The following LINGO2 variants were observed in gnomAD, a reference collection of about 807,000 sequenced individuals.
LINGO2 encodes leucine-rich repeat and immunoglobulin-like domain-containing nogo receptor-interacting protein 2.
LINGO2 carries 14 observed loss-of-function variants against 30.6 expected under a neutral mutation model. That is an observed-to-expected ratio of 0.46 (90% CI 0.30 to 0.72). The LOEUF is 0.72. LINGO2 is among the 30% of genes least tolerant of loss of function. LINGO2 has a pLI of 0.07. For synonymous variants in LINGO2, 317 were observed against 288.5 expected (o/e 1.10, Z -1.00); for missense variants, 729 against 751.7 (o/e 0.97, Z 0.35).
At chr9:28,078,846 CA>C (rs35130159) in intron 4 of LINGO2, among the ~76,000 whole-genome samples, 29,136 of 132,880 alleles carry the variant, frequency 0.22, 3,714 homozygotes, top group Non-Finnish European at 0.26. Context: ...AAAACTCTGT[CA>C]AAAAAAAAAA....
At chr9:28,907,603 T>C in the LINGO2 span, among the ~76,000 whole-genome samples, 1 of 151,814 alleles carries the variant, frequency 6.6e-6, no homozygotes, top group East Asian at 1.9e-4. Flanking sequence ...CTGAAAGAAA[T>C]ATACAAGATG....
the LINGO2 span, among the ~76,000 whole-genome samples, chr9:28,931,569 T>C: frequency 2.0e-5 from 3 of 152,200 alleles, no homozygotes; most frequent in African/African-American, 7.2e-5. Context: ...AACTACAACA[T>C]GTTTTGTCAA....
At chr9:29,134,693 A>C in the LINGO2 span, among the ~76,000 whole-genome samples, 1 of 152,128 alleles carries the variant, frequency 6.6e-6, no homozygotes, top group East Asian at 1.9e-4. Flanking sequence ...TATTCATAGT[A>C]ATTTAGCCAT....
the LINGO2 span, among the ~76,000 whole-genome samples, chr9:29,025,948 A>G: frequency 8.5e-5 from 13 of 152,156 alleles, no homozygotes; most frequent in Non-Finnish European, 1.8e-4. Flanking sequence ...AGGTTAATCC[A>G]TGTTGTTGCA....
the LINGO2 span, among the ~76,000 whole-genome samples, chr9:28,971,555 C>T: frequency 6.6e-6 from 1 of 152,180 alleles, no homozygotes; most frequent in East Asian, 1.9e-4. Context: ...GGCTCCTCTG[C>T]CTTTTGAAAG....
At chr9:28,990,082 G>C in the LINGO2 span, among the ~76,000 whole-genome samples, 1 of 152,208 alleles carries the variant, frequency 6.6e-6, no homozygotes, top group Non-Finnish European at 1.5e-5. Context: ...AGCCGAAGCA[G>C]GGTGAGGCAT....
intron 1 of LINGO2, among the ~76,000 whole-genome samples, chr9:28,576,826 A>C (rs1428210499): frequency 3.9e-5 from 6 of 152,168 alleles, no homozygotes. Flanking sequence ...AATAAGCATA[A>C]ATTCTTTTCA....
the LINGO2 span, among the ~76,000 whole-genome samples, chr9:29,065,956 A>G: frequency 6.6e-6 from 1 of 151,948 alleles, no homozygotes; most frequent in African/African-American, 2.4e-5. Context: ...AAATATTGAG[A>G]AAAACAACAA....
chr9:29,164,325 G>T, the LINGO2 span, among the ~76,000 whole-genome samples: 1 of 152,148 alleles, frequency 6.6e-6, no homozygotes, highest in African/African-American at 2.4e-5. Context: ...ACTAAGTGGG[G>T]ATAGTATCTG....
Position 28,384,361 on chromosome 9 carries a change from G to T in LINGO2, c.-278-11493C>A, listed in dbSNP as rs1001583991. On this transcript the variant is annotated intron_variant, in intron 2 of 5. Transcript: ENST00000379992. ...TATATATATATATATGCCTGTGTAT[G>T]TGTGATTTTTTAACTTAAAAAAGGT... 8.1e-5 allele frequency among the ~76,000 whole-genome samples: 8 copies of T among 98,690 alleles called. No homozygotes were observed. The South Asian group carries it at 2.3e-3, about 29-fold the overall frequency. 64.7% of individuals were successfully genotyped at this position (98,690 alleles called of 152,430 possible). A position where few individuals can be genotyped will look rare whatever the true frequency, so the allele number is the denominator to read the frequency against.
intron 1 of LINGO2, among the ~76,000 whole-genome samples, chr9:28,540,422 G>A (rs961508818): frequency 5.3e-5 from 8 of 151,836 alleles, no homozygotes; most frequent in African/African-American, 1.9e-4. Flanking sequence ...CACCACGTCC[G>A]ACTAATTTTT....
intron 1 of LINGO2, among the ~76,000 whole-genome samples, chr9:28,613,853 A>C (rs1826022669): frequency 6.6e-6 from 1 of 152,202 alleles, no homozygotes; most frequent in Admixed American, 6.6e-5. Context: ...GCAGTGGTCC[A>C]TTGGACATGT....
intron 1 of LINGO2, among the ~76,000 whole-genome samples, chr9:28,516,231 A>C (rs887115198): frequency 6.6e-6 from 1 of 152,124 alleles, no homozygotes; most frequent in Non-Finnish European, 1.5e-5. Flanking sequence ...AGCCTGTGCT[A>C]TCTCTGAGGT....
intron 3 of LINGO2, among the ~76,000 whole-genome samples, chr9:28,313,384 G>A (rs1824707435): frequency 6.6e-6 from 1 of 152,130 alleles, no homozygotes; most frequent in South Asian, 2.1e-4. Flanking sequence ...GGTACTTGGT[G>A]TTAGAATAAT....
the LINGO2 span, among the ~76,000 whole-genome samples, chr9:28,975,650 A>T: frequency 6.6e-6 from 1 of 152,172 alleles, no homozygotes; most frequent in South Asian, 2.1e-4. Context: ...GGGTCTTAAT[A>T]TTCTATTACT....
chr9:28,652,462 C>T (rs1184334799), intron 1 of LINGO2, among the ~76,000 whole-genome samples: 1 of 152,060 alleles, frequency 6.6e-6, no homozygotes, highest in Non-Finnish European at 1.5e-5. Context: ...CCTCCTGAAA[C>T]TCATAAAGGA....
chr9:28,370,943 C>G (rs889866944), intron 3 of LINGO2, among the ~76,000 whole-genome samples: 10 of 152,090 alleles, frequency 6.6e-5, no homozygotes, highest in African/African-American at 2.4e-4. Context: ...CTGGGCTTCC[C>G]TTTTATAAGA....
intron 4 of LINGO2, among the ~76,000 whole-genome samples, chr9:28,061,174 C>T (rs1825132275): frequency 6.7e-6 from 1 of 149,178 alleles, no homozygotes; most frequent in South Asian, 2.2e-4. Flanking sequence ...CACCACACAC[C>T]TAGCACAGAA....
At chr9:28,685,977 A>ATGTCTG in the LINGO2 span, among the ~76,000 whole-genome samples, 1 of 145,584 alleles carries the variant, frequency 6.9e-6, no homozygotes. Flanking sequence ...AACATATATG[A>ATGTCTG]TGTGTGTGTG....
Sources: gnomAD v4.1 joint callset for allele counts (sites outside exome capture counted in the v4.1 genomes callset) on GRCh38, gnomAD v4.1.1 for gene constraint, MANE v1.5 for transcripts, NCBI Gene and HGNC (gene_info 2026-07-23, HGNC 2026-07-21) for gene names.